Variants in CDC42BPA observed in about 807,000 individuals in gnomAD.
CDC42BPA encodes serine/threonine-protein kinase MRCK alpha.
Under a neutral mutation model 223.5 loss-of-function variants are expected in CDC42BPA, and 80 were observed. The observed-to-expected ratio is 0.36, with a 90% CI of 0.30 to 0.43. The LOEUF (loss-of-function observed/expected upper bound fraction) is 0.43, where lower values mean the gene tolerates loss of function less well. Among genes scored for constraint, CDC42BPA ranks in the 20% least tolerant of loss-of-function variants. The pLI, the probability that CDC42BPA is intolerant of heterozygous loss-of-function variation, is 1.00. For synonymous variants in CDC42BPA, 694 were observed against 718.6 expected, an observed-to-expected ratio of 0.97 and a Z score of 0.55; for missense variants, 1,743 against 2,099.9, an observed-to-expected ratio of 0.83 and a Z score of 3.32.
chr1:227,095,938 A>AT (rs1269958888), intron 15 of CDC42BPA, among the ~76,000 whole-genome samples: 1 of 152,190 alleles, frequency 6.6e-6, no homozygotes, highest in African/African-American at 2.4e-5. Flanking sequence ...AAACAGGCAT[A>AT]TATCTACAGC....
At chr1:227,023,090 A>G (rs555718508) in intron 32 of CDC42BPA, among the ~76,000 whole-genome samples, 173 bp downstream of exon 32, 18 of 152,312 alleles carry the variant, frequency 1.2e-4, no homozygotes, top group African/African-American at 4.3e-4. Flanking sequence ...TTGCCCAGTA[A>G]TTTATTCTAA....
intron 5 of CDC42BPA, among the ~76,000 whole-genome samples, chr1:227,193,027 G>C (rs1669971621): frequency 6.7e-6 from 1 of 148,294 alleles, no homozygotes; most frequent in African/African-American, 2.5e-5. Context: ...GGTTTTTTAA[G>C]AAGTGATTTC....
At chr1:227,125,959 T>G (rs1054871961) in intron 11 of CDC42BPA, among the ~76,000 whole-genome samples, 4 of 152,148 alleles carry the variant, frequency 2.6e-5, no homozygotes, top group African/African-American at 4.8e-5. Flanking sequence ...CCACTTTGAA[T>G]GCAGGTTTAG....
At chr1:227,078,712 A>G (rs1395555895) in intron 17 of CDC42BPA, among the ~76,000 whole-genome samples, 2 of 152,166 alleles carry the variant, frequency 1.3e-5, no homozygotes, top group Non-Finnish European at 2.9e-5. Flanking sequence ...TATATACTGC[A>G]GTGTTTGTTT....
chr1:227,138,990 T>G (rs548236193), intron 10 of CDC42BPA, among the ~76,000 whole-genome samples: 1 of 152,206 alleles, frequency 6.6e-6, no homozygotes, highest in South Asian at 2.1e-4. Context: ...CTAAAAATTA[T>G]GAGCAGGAGA....
At chr1:227,085,443 G>A (rs547086244) in intron 16 of CDC42BPA, among the ~76,000 whole-genome samples, 5 of 152,296 alleles carry the variant, frequency 3.3e-5, no homozygotes, top group African/African-American at 1.2e-4. Flanking sequence ...GCTAGATTTG[G>A]CCAGAGGCCA....
intron 14 of CDC42BPA, among the ~76,000 whole-genome samples, chr1:227,109,899 G>A (rs543338234): frequency 6.5e-4 from 98 of 151,662 alleles, no homozygotes; most frequent in African/African-American, 2.3e-3. Context: ...AAAACGTCAC[G>A]ATCTCTACTT....
At chr1:227,002,211 A>G (rs1464630485) in intron 35 of CDC42BPA, among the ~76,000 whole-genome samples, 2 of 152,254 alleles carry the variant, frequency 1.3e-5, no homozygotes, top group Non-Finnish European at 2.9e-5. Flanking sequence ...GGAATTATGG[A>G]CCATCACTTA....
intron 23 of CDC42BPA, among the ~76,000 whole-genome samples, chr1:227,044,252 T>G (rs1194917366): frequency 1.3e-5 from 2 of 152,184 alleles, no homozygotes; most frequent in African/African-American, 4.8e-5. Flanking sequence ...AAGCCTCTTA[T>G]TAGTGGTAAA....
chr1:227,207,178 C>T (rs1193071937), intron 3 of CDC42BPA, among the ~76,000 whole-genome samples: 2 of 143,808 alleles, frequency 1.4e-5, no homozygotes, highest in African/African-American at 5.2e-5. Flanking sequence ...TGAGAACATG[C>T]GGTGTTTGGT....
At chr1:227,046,998 T>C (rs1572466424) in intron 23 of CDC42BPA, among the ~76,000 whole-genome samples, 2 of 152,150 alleles carry the variant, frequency 1.3e-5, no homozygotes, top group African/African-American at 4.8e-5. Context: ...CCAATATTTT[T>C]CCTTTTATTT....
rs35882896 is a variant in CDC42BPA at position 227,304,405 on chromosome 1, C to CAA, written c.178+12598_178+12599dup. Among the ~76,000 whole-genome samples the CAA allele has an allele frequency of 9.3e-3, 1,320 of 141,792 alleles. 6 individuals carry two copies. Among genetic ancestry groups the CAA allele is most frequent in the Non-Finnish European group, 0.012 (781 of 64,826 alleles). The allele number at this position is 141,792 out of a possible 152,430, so 93.0% of individuals were successfully genotyped here. A position where few individuals can be genotyped will look rare whatever the true frequency, so the allele number is the denominator to read the frequency against. On this transcript the variant is annotated intron_variant, in intron 1 of 36. Coordinates refer to ENST00000366766, the MANE Select transcript of CDC42BPA (RefSeq NM_001394014.1). ...TGGGCAACAAAGCAAGATTCTATCT[C>CAA]AAAAAAAAAACAAAAAAAGAAAAAC...
At chr1:227,263,449 G>C (rs772869655) in intron 1 of CDC42BPA, among the ~76,000 whole-genome samples, 18 of 152,046 alleles carry the variant, frequency 1.2e-4, no homozygotes, top group Non-Finnish European at 2.4e-4. Context: ...TCAATTTACA[G>C]CATAGTGGTC....
At chr1:227,075,117 G>C (rs1679189586) in intron 17 of CDC42BPA, among the ~76,000 whole-genome samples, 1 of 152,066 alleles carries the variant, frequency 6.6e-6, no homozygotes, top group African/African-American at 2.4e-5. Flanking sequence ...CCTATTCTCA[G>C]GAAGAATGAA....
At chr1:227,120,164 T>A (rs1688409247) in intron 11 of CDC42BPA, among the ~76,000 whole-genome samples, 10 of 149,360 alleles carry the variant, frequency 6.7e-5, no homozygotes, top group Admixed American at 6.7e-4. Flanking sequence ...CCTTACATAC[T>A]CATTAGGAAA....
intron 22 of CDC42BPA, among the ~76,000 whole-genome samples, chr1:227,051,284 T>A (rs1673475219): frequency 6.6e-6 from 1 of 152,220 alleles, no homozygotes; most frequent in African/African-American, 2.4e-5. Context: ...TGGACTGAGG[T>A]ACAGCATTCT....
chr1:227,070,348 T>C (rs1428632748), intron 20 of CDC42BPA, among the ~76,000 whole-genome samples: 3 of 151,786 alleles, frequency 2.0e-5, no homozygotes, highest in Non-Finnish European at 4.4e-5. Context: ...AGGTATTTTT[T>C]TATTGACAGG....
At chr1:227,272,763 T>C (rs1394032950) in intron 1 of CDC42BPA, among the ~76,000 whole-genome samples, 1 of 151,876 alleles carries the variant, frequency 6.6e-6, no homozygotes, top group African/African-American at 2.4e-5. Context: ...TTAAAACATA[T>C]TTTTAAAGTC....
intron 1 of CDC42BPA, among the ~76,000 whole-genome samples, chr1:227,261,124 C>CTTTCTT (rs386417862): frequency 9.9e-5 from 12 of 120,872 alleles, no homozygotes; most frequent in East Asian, 2.6e-4. Context: ...TTGAGTTTTT[C>CTTTCTT]TTTTTTTTTG....
Sources: allele counts gnomAD v4.1 joint callset (sites outside exome capture counted in the v4.1 genomes callset), GRCh38; gene constraint gnomAD v4.1.1; transcripts MANE v1.5; gene names NCBI Gene and HGNC (gene_info 2026-07-23, HGNC 2026-07-21).